DNAJC17: variants seen among roughly 807,000 people sequenced by gnomAD.
The protein encoded by DNAJC17 is dnaJ homolog subfamily C member 17.
In DNAJC17, 35 loss-of-function variants were observed where a neutral mutation model predicts 48.1. That is an observed-to-expected ratio of 0.73 (90% CI 0.56 to 0.96). The LOEUF (loss-of-function observed/expected upper bound fraction) is 0.96, where lower values mean the gene tolerates loss of function less well. Ranked by LOEUF, DNAJC17 falls within the 50% of genes least tolerant of loss-of-function variation. The pLI, the probability that DNAJC17 is intolerant of heterozygous loss-of-function variation, is 0.00. For synonymous variants in DNAJC17, 117 were observed against 142.7 expected (o/e 0.82, Z 1.28); for missense variants, 355 against 377.1 (o/e 0.94, Z 0.48).
intron 1 of DNAJC17, among the ~76,000 whole-genome samples, chr15:40,795,968 G>C (rs897063254): frequency 4.6e-5 from 7 of 152,224 alleles, no homozygotes; most frequent in African/African-American, 1.2e-4. Context: ...CTGCTTTCTA[G>C]AGTCAGGGCT....
chr15:40,774,623 G>A (rs1363719516), intron 8 of DNAJC17, among the ~76,000 whole-genome samples, 187 bp from the exon 9 acceptor site: 1 of 152,218 alleles, frequency 6.6e-6, no homozygotes, highest in Non-Finnish European at 1.5e-5. Flanking sequence ...TTTTTTCTAG[G>A]AACACAGAGC....
Position 40,767,789 on chromosome 15 carries a change from T to C in DNAJC17, c.*151A>G. On this transcript the variant is annotated 3_prime_UTR_variant, in exon 11 of 11. Coordinates refer to ENST00000220496, the MANE Select transcript of DNAJC17 (RefSeq NM_018163.3). ...TTTCCCTGGGGGTCTGCCCACTTCCTGGGAGGGGCGCCAGGCCTGGGTGGA... is the reference window on the plus strand; with the variant it reads ...TTTCCCTGGGGGTCTGCCCACTTCCCGGGAGGGGCGCCAGGCCTGGGTGGA... 2.5e-6 allele frequency: 3 copies of C among 1,189,644 alleles called. No individual in the cohort carries two copies. Among genetic ancestry groups the C allele is most frequent in the South Asian group, 1.6e-5 (1 of 62,412 alleles). The allele number at this position is 1,189,644 out of a possible 1,614,324, so 73.7% of individuals were successfully genotyped here.
intron 1 of DNAJC17, among the ~76,000 whole-genome samples, chr15:40,802,342 ATAT>A (rs1473141229): frequency 1.3e-5 from 2 of 151,812 alleles, no homozygotes; most frequent in Non-Finnish European, 2.9e-5. Flanking sequence ...GCTAGTTTTT[ATAT>A]TTTTAGTAGA....
intron 1 of DNAJC17, among the ~76,000 whole-genome samples, chr15:40,792,843 C>G (rs1889841385): frequency 6.6e-6 from 1 of 151,840 alleles, no homozygotes; most frequent in Non-Finnish European, 1.5e-5. Flanking sequence ...CTCTCTGAAC[C>G]TCCATTCTCC....
At position 40,778,203 on chromosome 15, in the gene DNAJC17, A is replaced by G. The variant is rs957730500; in HGVS notation, c.295+1020T>C. Among the ~76,000 whole-genome samples the G allele has an allele frequency of 3.9e-5, 6 of 152,082 alleles. No homozygotes were observed. In the South Asian group the frequency reaches 6.2e-4, roughly 16 times the overall value. On this transcript the variant is annotated intron_variant, in intron 4 of 10. Transcript: ENST00000220496. ...CCCCGTCTTTCTTTAAAAAAAAAAAAAAGAAGAAGAAGACTCAGCCAGAAA... is the reference window on the plus strand; with the variant it reads ...CCCCGTCTTTCTTTAAAAAAAAAAAGAAGAAGAAGAAGACTCAGCCAGAAA...
intron 1 of DNAJC17, among the ~76,000 whole-genome samples, chr15:40,806,361 G>T (rs1197016228): frequency 6.6e-6 from 1 of 151,668 alleles, no homozygotes; most frequent in African/African-American, 2.4e-5. Context: ...TGGGACTACA[G>T]GTGTGTGCCA....
At chr15:40,779,659 T>C in intron 2 of DNAJC17, 56 bp from the exon 3 acceptor site, 2 of 1,556,980 alleles carry the variant, frequency 1.3e-6, no homozygotes, top group South Asian at 2.4e-5. Flanking sequence ...TTCGTAATGG[T>C]GTGCTCCCTC....
At position 40,770,160 on chromosome 15, in the gene DNAJC17, C is replaced by T. The variant is rs1031102128; in HGVS notation, c.793-2098G>A. The T allele has an allele frequency of 9.6e-5, 25 of 261,158 alleles. No individual in the cohort carries two copies. Among genetic ancestry groups the T allele is most frequent in the African/African-American group, 4.0e-4 (18 of 44,528 alleles). The allele number at this position is 261,158 out of a possible 1,614,324, so 16.2% of individuals were successfully genotyped here. ...GCCCGAGAAGGTCCACCTCTGCCTC[C>T]GCCGGAGCTGCCCTCATTCTGGCTC... On this transcript the variant is annotated intron_variant, in intron 10 of 10. Coordinates refer to ENST00000220496, the MANE Select transcript of DNAJC17 (RefSeq NM_018163.3). The surrounding 1 kb of genome is among the most constrained non-coding windows in gnomAD (Gnocchi z 5.0).
chr15:40,788,462 C>T (rs556920511), intron 1 of DNAJC17, among the ~76,000 whole-genome samples: 4 of 152,064 alleles, frequency 2.6e-5, no homozygotes, highest in South Asian at 2.1e-4. Context: ...TTTGGGAGGC[C>T]GAGGTGGGTG....
At chr15:40,803,538 CTG>C (rs2141966158) in intron 1 of DNAJC17, among the ~76,000 whole-genome samples, 1 of 152,304 alleles carries the variant, frequency 6.6e-6, no homozygotes, top group African/African-American at 2.4e-5. Context: ...CCAAAATAGA[CTG>C]TATGTATTAA....
chr15:40,777,446 C>T (rs758109458), intron 4 of DNAJC17, among the ~76,000 whole-genome samples: 6 of 151,972 alleles, frequency 3.9e-5, no homozygotes, highest in Admixed American at 1.3e-4. Flanking sequence ...GGGCCAGGCG[C>T]GGTGGCTCAC....
rs747535300 is a variant in DNAJC17 at position 40,765,830 on chromosome 15, G to A, written c.*2110C>T. ...GCCACTGTGGCTTACCTTGCAGGAG[G>A]TGGGCCCCACTATGGTGGGCGATGA... On this transcript the variant is annotated 3_prime_UTR_variant, in exon 11 of 11. Coordinates refer to ENST00000220496, the MANE Select transcript of DNAJC17 (RefSeq NM_018163.3). 2 of 1,549,020 alleles carry A rather than the reference G, an allele frequency of 1.3e-6. No individual in the cohort carries two copies. Among genetic ancestry groups the A allele is most frequent in the African/African-American group, 1.4e-5 (1 of 73,386 alleles).
At position 40,802,853 on chromosome 15, in the gene DNAJC17, A is replaced by G. The variant is rs114203061; in HGVS notation, c.78+4516T>C. Among the ~76,000 whole-genome samples, 247 of 152,230 alleles carry G rather than the reference A, an allele frequency of 1.6e-3. 3 individuals are homozygous for G. The East Asian group carries it at 0.027, about 17-fold the overall frequency. ...CGTGGTAGCTCATGCCTATAACCCA[A>G]ACACTTTTCAGAGGCCAAGGCGGGA... is the stretch of plus-strand genomic sequence containing the variant. On this transcript the variant is annotated intron_variant, in intron 1 of 10. Transcript: ENST00000220496.
intron 1 of DNAJC17, among the ~76,000 whole-genome samples, chr15:40,804,666 T>G (rs1162172615): frequency 1.3e-5 from 2 of 152,202 alleles, no homozygotes; most frequent in Admixed American, 1.3e-4. Context: ...GAGAATGACT[T>G]CCAACTGACT....
chr15:40,770,473 G>A lies in DNAJC17; in HGVS notation c.793-2411C>T. On this transcript the variant is annotated intron_variant, in intron 10 of 10. Transcript: ENST00000220496. This position sits in a 1 kb window ranked among gnomAD's most constrained non-coding sequence, Gnocchi z 5.0. Reference sequence around the variant, plus strand: ...GCACCCTGGCTGCTCCTGAACACCTGTCTGCTGGCTCCCCTGGGCCCCATG... The same window carrying A: ...GCACCCTGGCTGCTCCTGAACACCTATCTGCTGGCTCCCCTGGGCCCCATG... 6.5e-7 allele frequency: 1 copy of A among 1,535,648 alleles called. No individual in the cohort carries two copies. Among genetic ancestry groups the A allele is most frequent in the South Asian group, 1.2e-5 (1 of 81,670 alleles).
At position 40,807,424 on chromosome 15, in the gene DNAJC17, A is replaced by G. The variant is rs757782859; in HGVS notation, c.23T>C (p.Leu8Ser). Reference protein sequence around the residue: MAVTKELLQMDLYALLGI... With the variant: MAVTKELSQMDLYALLGI... Reference sequence around the variant, plus strand: ...TAGCAGCGCGTACAGGTCCATCTGTAAGAGCTCCTTGGTCACTGCCATGGT... The same window carrying G: ...TAGCAGCGCGTACAGGTCCATCTGTGAGAGCTCCTTGGTCACTGCCATGGT... Residue 8 changes from leucine (L) to serine (S), a missense_variant, in exon 1 of 11, where the codon TTA (leucine) becomes TCA (serine). This residue lies in a region of DNAJC17 where 199 missense variants were observed against 199.9 expected (regional missense o/e 1.00). Transcript: ENST00000220496. The G allele has an allele frequency of 2.0e-5, 32 of 1,614,124 alleles. No homozygotes were observed. The South Asian group carries it at 3.2e-4, about 16-fold the overall frequency.
chr15:40,775,280 G>A (rs1327710696), intron 7 of DNAJC17, 172 bp from the exon 8 acceptor site: 3 of 775,854 alleles, frequency 3.9e-6, no homozygotes, highest in Non-Finnish European at 6.3e-6. Context: ...AGGCAGGATG[G>A]CCTGCTCACC....
intron 1 of DNAJC17, among the ~76,000 whole-genome samples, chr15:40,789,351 T>C (rs1596090321): frequency 7.8e-6 from 1 of 128,502 alleles, no homozygotes; most frequent in African/African-American, 3.0e-5. Flanking sequence ...CTTCCTTCAC[T>C]CCCCCACAGT....
At chr15:40,803,245 T>C (rs1399945848) in intron 1 of DNAJC17, among the ~76,000 whole-genome samples, 1 of 152,236 alleles carries the variant, frequency 6.6e-6, no homozygotes, top group East Asian at 1.9e-4. Flanking sequence ...TCCTAGGCTA[T>C]TTGGACAACC....
Sources: allele counts gnomAD v4.1 joint callset (sites outside exome capture counted in the v4.1 genomes callset), GRCh38; gene constraint gnomAD v4.1.1; regional missense constraint gnomAD v4.1.1; non-coding constraint Gnocchi (gnomAD v3.1); transcripts MANE v1.5; gene names NCBI Gene and HGNC (gene_info 2026-07-23, HGNC 2026-07-21).